Variants in POU2AF2 observed in about 807,000 individuals in gnomAD.
POU2AF2 encodes POU domain class 2-associating factor 2.
the POU2AF2 span, among the ~76,000 whole-genome samples, chr11:111,268,953 A>G: frequency 2.0e-5 from 3 of 152,038 alleles, no homozygotes; most frequent in Admixed American, 2.0e-4. Flanking sequence ...TTTGACTGCT[A>G]AGGCTCTTAA....
chr11:111,285,865 G>A, the POU2AF2 span: 665 of 1,610,160 alleles, frequency 4.1e-4, 2 homozygotes, highest in African/African-American at 7.7e-3. Context: ...ACCACACTCC[G>A]GGGTACCCTA....
chr11:111,263,608 T>A, the POU2AF2 span, among the ~76,000 whole-genome samples: 1 of 152,046 alleles, frequency 6.6e-6, no homozygotes, highest in African/African-American at 2.4e-5. Flanking sequence ...AATTTTTGTA[T>A]TTTTAGTAGA....
At chr11:111,265,393 C>T in the POU2AF2 span, among the ~76,000 whole-genome samples, 1 of 152,086 alleles carries the variant, frequency 6.6e-6, no homozygotes, top group Non-Finnish European at 1.5e-5. Context: ...CTTTCGGAGC[C>T]TCCAGCCCAG....
the POU2AF2 span, among the ~76,000 whole-genome samples, chr11:111,270,455 CA>C: frequency 2.0e-5 from 3 of 152,090 alleles, no homozygotes; most frequent in African/African-American, 7.2e-5. Context: ...ACAGGGTGCA[CA>C]AAACCAGATG....
chr11:111,267,963 A>G, the POU2AF2 span, among the ~76,000 whole-genome samples: 31 of 152,342 alleles, frequency 2.0e-4, no homozygotes, highest in South Asian at 1.0e-3. Flanking sequence ...AGAACCCTTT[A>G]CTAATGTAGA....
the POU2AF2 span, chr11:111,284,234 C>G: frequency 6.2e-7 from 1 of 1,614,226 alleles, no homozygotes; most frequent in Middle Eastern, 1.7e-4. Flanking sequence ...TGCGGCTCTC[C>G]TGGAGCCCTA....
the POU2AF2 span, among the ~76,000 whole-genome samples, chr11:111,265,440 A>G: frequency 6.6e-6 from 1 of 152,096 alleles, no homozygotes; most frequent in African/African-American, 2.4e-5. Flanking sequence ...TAAGTGCCTG[A>G]ATATCAGAGT....
the POU2AF2 span, among the ~76,000 whole-genome samples, chr11:111,252,098 T>G: frequency 1.3e-5 from 2 of 152,198 alleles, no homozygotes; most frequent in South Asian, 4.1e-4. Context: ...AGAGACAGTC[T>G]GCAAATATAC....
chr11:111,256,592 T>C, the POU2AF2 span, among the ~76,000 whole-genome samples: 1 of 152,350 alleles, frequency 6.6e-6, no homozygotes, highest in South Asian at 2.1e-4. Context: ...GAAAGTCATT[T>C]TACTCTTCTG....
chr11:111,281,285 C>T, the POU2AF2 span: 6 of 808,950 alleles, frequency 7.4e-6, no homozygotes, highest in Non-Finnish European at 9.5e-6. Context: ...AACCCAACTC[C>T]CCAGATAATA....
the POU2AF2 span, among the ~76,000 whole-genome samples, chr11:111,262,372 G>A: frequency 4.6e-5 from 7 of 152,114 alleles, no homozygotes; most frequent in Non-Finnish European, 1.0e-4. Context: ...CCCTAAAACC[G>A]CCTGTCCTTC....
At chr11:111,281,770 C>T in the POU2AF2 span, among the ~76,000 whole-genome samples, 6 of 152,272 alleles carry the variant, frequency 3.9e-5, no homozygotes, top group African/African-American at 4.8e-5. Flanking sequence ...AAGGGGAAAG[C>T]CGTCTGCGAG....
chr11:111,249,239 C>T, the POU2AF2 span, among the ~76,000 whole-genome samples: 1 of 151,962 alleles, frequency 6.6e-6, no homozygotes, highest in African/African-American at 2.4e-5. Flanking sequence ...TAAATAGACA[C>T]AATGCACAGG....
chr11:111,281,542 T>G, the POU2AF2 span: 1 of 1,074,026 alleles, frequency 9.3e-7, no homozygotes, highest in Non-Finnish European at 1.3e-6. Context: ...TCCAAAACTC[T>G]GCTCCTTTAA....
chr11:111,271,575 C>T, the POU2AF2 span, among the ~76,000 whole-genome samples: 1 of 152,070 alleles, frequency 6.6e-6, no homozygotes, highest in African/African-American at 2.4e-5. Flanking sequence ...GCATGTGCCA[C>T]CATGCTCAGT....
the POU2AF2 span, chr11:111,284,052 C>T: frequency 0.011 from 17,541 of 1,602,790 alleles, 1,513 homozygotes; most frequent in African/African-American, 0.2. Context: ...ATTTTCTGCC[C>T]ATGTGTTTTT....
the POU2AF2 span, among the ~76,000 whole-genome samples, chr11:111,276,453 A>AAAATATAGATAT: frequency 8.0e-5 from 3 of 37,676 alleles, no homozygotes; most frequent in Non-Finnish European, 1.5e-4. Context: ...AAAAAAAAAA[A>AAAATATAGATAT]ATATATATAT....
the POU2AF2 span, among the ~76,000 whole-genome samples, chr11:111,250,187 G>T: frequency 1.4e-4 from 22 of 152,058 alleles, no homozygotes; most frequent in South Asian, 1.3e-3. Context: ...GGGGTTGGGG[G>T]GTGTGTGTGT....
chr11:111,259,425 C>T, the POU2AF2 span, among the ~76,000 whole-genome samples: 1 of 151,654 alleles, frequency 6.6e-6, no homozygotes, highest in Non-Finnish European at 1.5e-5. Context: ...AAGCAATTCT[C>T]CTGCCTCGGC....
Sources: allele counts gnomAD v4.1 joint callset (sites outside exome capture counted in the v4.1 genomes callset), GRCh38; gene constraint gnomAD v4.1.1; transcripts MANE v1.5; gene names NCBI Gene and HGNC (gene_info 2026-07-23, HGNC 2026-07-21).